Variants in NELL1 observed in about 807,000 individuals in gnomAD.
The protein encoded by NELL1 is protein kinase C-binding protein NELL1.
A neutral mutation model predicts 107.4 loss-of-function variants in NELL1; 76 were observed. The ratio of observed to expected loss-of-function variants is 0.71; its 90% CI spans 0.59 to 0.86. NELL1 has a LOEUF of 0.86. Ranked by LOEUF, NELL1 falls within the 40% of genes least tolerant of loss-of-function variation. NELL1 has a pLI of 0.00. For synonymous variants in NELL1, 353 were observed against 341.2 expected, an observed-to-expected ratio of 1.03 and a Z score of -0.38; for missense variants, 1,024 against 1,005.5, an observed-to-expected ratio of 1.02 and a Z score of -0.25.
intron 14 of NELL1, among the ~76,000 whole-genome samples, chr11:21,249,013 C>A (rs751220262): frequency 6.6e-6 from 1 of 152,178 alleles, no homozygotes; most frequent in Non-Finnish European, 1.5e-5. Context: ...CCTGATGATA[C>A]TGTTGCTGGG....
chr11:21,264,335 T>C (rs1331922814), intron 14 of NELL1, among the ~76,000 whole-genome samples: 9 of 151,874 alleles, frequency 5.9e-5, no homozygotes, highest in African/African-American at 2.2e-4. Context: ...TGTCTTGTAG[T>C]TGCATTTTGC....
intron 2 of NELL1, among the ~76,000 whole-genome samples, chr11:20,714,233 T>G (rs1855184830): frequency 7.0e-6 from 1 of 141,990 alleles, no homozygotes; most frequent in African/African-American, 2.8e-5. Flanking sequence ...GTTGGAGTTT[T>G]GCTCTTGTCA....
chr11:20,846,416 T>A (rs960774088), intron 3 of NELL1, among the ~76,000 whole-genome samples: 4 of 152,188 alleles, frequency 2.6e-5, no homozygotes, highest in African/African-American at 9.6e-5. Context: ...CTTGTGGGGT[T>A]AGCCAGCTCA....
chr11:21,329,449 C>T (rs1945419), intron 14 of NELL1, among the ~76,000 whole-genome samples: 111,274 of 151,888 alleles, frequency 0.73, 42,029 homozygotes, highest in Non-Finnish European at 0.82. Flanking sequence ...TTGAGTATGC[C>T]TTTATTAGCA....
intron 12 of NELL1, among the ~76,000 whole-genome samples, chr11:21,096,859 C>T (rs762369745): frequency 1.1e-4 from 17 of 152,014 alleles, no homozygotes; most frequent in Non-Finnish European, 2.2e-4. Flanking sequence ...TACAGGTACA[C>T]GCCACCACAC....
At chr11:21,112,450 C>T (rs150646234) in intron 12 of NELL1, among the ~76,000 whole-genome samples, 1 of 152,036 alleles carries the variant, frequency 6.6e-6, no homozygotes, top group African/African-American at 2.4e-5. Context: ...CTGTATTTGA[C>T]TAATCACCAT....
At chr11:21,459,293 C>A (rs1358287383) in intron 15 of NELL1, among the ~76,000 whole-genome samples, 1 of 144,878 alleles carries the variant, frequency 6.9e-6, no homozygotes, top group Admixed American at 7.1e-5. Flanking sequence ...AAGTAACCTG[C>A]CATGGTTCAG....
chr11:21,221,418 C>T (rs1300430009), intron 13 of NELL1, among the ~76,000 whole-genome samples: 1 of 151,996 alleles, frequency 6.6e-6, no homozygotes, highest in East Asian at 1.9e-4. Flanking sequence ...GAAGAATTAC[C>T]ACCTCTTCAG....
At chr11:21,102,217 A>G (rs1854837819) in intron 12 of NELL1, among the ~76,000 whole-genome samples, 1 of 152,140 alleles carries the variant, frequency 6.6e-6, no homozygotes, top group Non-Finnish European at 1.5e-5. Flanking sequence ...TCTTTTAAAC[A>G]TTTTTACCTT....
At chr11:21,357,392 C>T (rs1349614392) in intron 14 of NELL1, among the ~76,000 whole-genome samples, 1 of 152,100 alleles carries the variant, frequency 6.6e-6, no homozygotes, top group Non-Finnish European at 1.5e-5. Context: ...ATTTGCATTT[C>T]CCTGATAATT....
At chr11:21,374,992 A>C (rs2133759289) in intron 15 of NELL1, among the ~76,000 whole-genome samples, 1 of 151,906 alleles carries the variant, frequency 6.6e-6, no homozygotes, top group Middle Eastern at 3.4e-3. Context: ...AGAAGGAAGA[A>C]GGCAGGAGTT....
chr11:21,566,774 T>C (rs1856983591), intron 17 of NELL1, among the ~76,000 whole-genome samples: 1 of 151,904 alleles, frequency 6.6e-6, no homozygotes, highest in Admixed American at 6.6e-5. Context: ...GCTGATGTTT[T>C]ATAATGGCAT....
intron 12 of NELL1, among the ~76,000 whole-genome samples, chr11:21,041,190 G>A (rs919115684): frequency 2.6e-5 from 4 of 152,240 alleles, no homozygotes; most frequent in South Asian, 2.1e-4. Context: ...AGTCCAAGCC[G>A]CACTATCATG....
chr11:20,761,306 C>G (rs148635722), intron 2 of NELL1, among the ~76,000 whole-genome samples: 1 of 152,146 alleles, frequency 6.6e-6, no homozygotes, highest in Non-Finnish European at 1.5e-5. Flanking sequence ...AAGACTTGTT[C>G]TAGTGGATAC....
intron 12 of NELL1, among the ~76,000 whole-genome samples, chr11:21,095,909 C>T (rs1590631208): frequency 6.6e-6 from 1 of 152,186 alleles, no homozygotes; most frequent in African/African-American, 2.4e-5. Flanking sequence ...TGCACCCAGG[C>T]AGTCACATCT....
At chr11:20,814,396 C>T (rs1266767149) in intron 3 of NELL1, among the ~76,000 whole-genome samples, 3 of 152,204 alleles carry the variant, frequency 2.0e-5, no homozygotes, top group Non-Finnish European at 2.9e-5. Flanking sequence ...GATCCTGTCA[C>T]CCAGGTGCTG....
chr11:21,074,522 C>T lies in NELL1; in HGVS notation c.1301-39067C>T, dbSNP rs1030375892. Among the ~76,000 whole-genome samples the T allele has an allele frequency of 3.9e-5, 6 of 151,904 alleles. No homozygotes were observed. In the South Asian group the frequency reaches 1.2e-3, roughly 32 times the overall value. ...AGTTTCACAGGCAATTCTGGTAATC[C>T]AGGTTTGGATGCTGCTGATGTATGA... On this transcript the variant is annotated intron_variant, in intron 12 of 19. Coordinates refer to ENST00000357134, the MANE Select transcript of NELL1 (RefSeq NM_006157.5).
intron 14 of NELL1, among the ~76,000 whole-genome samples, chr11:21,334,464 A>T (rs1041747242): frequency 2.0e-5 from 3 of 151,964 alleles, no homozygotes; most frequent in African/African-American, 7.2e-5. Flanking sequence ...CATTATATTC[A>T]TAATAGAGTA....
intron 10 of NELL1, among the ~76,000 whole-genome samples, chr11:20,942,941 T>C (rs927288273): frequency 1.3e-5 from 2 of 152,196 alleles, no homozygotes; most frequent in African/African-American, 4.8e-5. Context: ...CAGACACCAT[T>C]TGAGACCTTT....
Sources: gnomAD v4.1 joint callset for allele counts (sites outside exome capture counted in the v4.1 genomes callset) on GRCh38, gnomAD v4.1.1 for gene constraint, MANE v1.5 for transcripts, NCBI Gene and HGNC (gene_info 2026-07-23, HGNC 2026-07-21) for gene names.